Variants in ZFHX4 observed in about 807,000 individuals in gnomAD.
ZFHX4 encodes zinc finger homeobox protein 4.
A neutral mutation model predicts 267.6 loss-of-function variants in ZFHX4; 56 were observed. The ratio of observed to expected loss-of-function variants is 0.21; its 90% CI spans 0.17 to 0.26. The LOEUF (loss-of-function observed/expected upper bound fraction) is 0.26. ZFHX4 is among the 10% of genes least tolerant of loss of function. The pLI is 1.00. For synonymous variants in ZFHX4, 1,778 were observed against 1,665.6 expected, an observed-to-expected ratio of 1.07 and a Z score of -1.64; for missense variants, 4,332 against 4,420.0, an observed-to-expected ratio of 0.98 and a Z score of 0.56.
At chr8:76,715,074 C>T (rs1011169277) in intron 3 of ZFHX4, among the ~76,000 whole-genome samples, 14 of 152,174 alleles carry the variant, frequency 9.2e-5, no homozygotes, top group South Asian at 4.2e-4. Context: ...TTTTAGACAA[C>T]GATTATGGTG....
chr8:76,850,457 G>A (rs972634524), intron 9 of ZFHX4, 95 bp downstream of exon 9: 114 of 1,031,570 alleles, frequency 1.1e-4, no homozygotes, highest in South Asian at 2.6e-4. Context: ...AAAGATTTTC[G>A]TAAAGCATAG....
intron 4 of ZFHX4, among the ~76,000 whole-genome samples, chr8:76,809,088 C>T (rs1160385394): frequency 6.6e-6 from 1 of 152,062 alleles, no homozygotes; most frequent in Non-Finnish European, 1.5e-5. Flanking sequence ...GATATCATAC[C>T]CGTATCACTC....
chr8:76,746,610 A>AT (rs748851290), intron 3 of ZFHX4, among the ~76,000 whole-genome samples: 22 of 152,174 alleles, frequency 1.4e-4, no homozygotes, highest in Non-Finnish European at 2.5e-4. Flanking sequence ...CACTCTTGGT[A>AT]TTTTTTTCTC....
chr8:76,736,457 A>G (rs1483288530), intron 3 of ZFHX4, among the ~76,000 whole-genome samples: 6 of 152,166 alleles, frequency 3.9e-5, no homozygotes, highest in African/African-American at 1.4e-4. Context: ...GAAAACATTT[A>G]TTATGGTGAA....
At chr8:76,827,869 A>C (rs1017283776) in intron 4 of ZFHX4, among the ~76,000 whole-genome samples, 2 of 152,200 alleles carry the variant, frequency 1.3e-5, no homozygotes, top group Admixed American at 1.3e-4. Context: ...AAAAAATTAC[A>C]AATCCAGCCC....
At chr8:76,789,768 T>C (rs1293325069) in intron 4 of ZFHX4, among the ~76,000 whole-genome samples, 2 of 152,168 alleles carry the variant, frequency 1.3e-5, no homozygotes, top group Non-Finnish European at 2.9e-5. Context: ...TTGAATTATT[T>C]TAGAAATAAT....
chr8:76,721,802 ATT>A (rs1808728636), intron 3 of ZFHX4, among the ~76,000 whole-genome samples: 1 of 152,142 alleles, frequency 6.6e-6, no homozygotes, highest in African/African-American at 2.4e-5. Flanking sequence ...TAACAGTATA[ATT>A]GGAGTCTTCT....
intron 3 of ZFHX4, among the ~76,000 whole-genome samples, chr8:76,727,266 G>C (rs1808877673): frequency 6.6e-6 from 1 of 151,940 alleles, no homozygotes; most frequent in Non-Finnish European, 1.5e-5. Flanking sequence ...GAGCTCTTGG[G>C]GCCGCAGCCA....
chr8:76,697,180 G>A (rs1023120455), intron 1 of ZFHX4, among the ~76,000 whole-genome samples: 2 of 151,820 alleles, frequency 1.3e-5, no homozygotes, highest in African/African-American at 4.8e-5. Context: ...TGAAATATTT[G>A]GTTGTCAGTA....
intron 3 of ZFHX4, among the ~76,000 whole-genome samples, chr8:76,772,739 G>A (rs1189902867): frequency 6.6e-6 from 1 of 152,110 alleles, no homozygotes; most frequent in African/African-American, 2.4e-5. Context: ...ATATTAGCCT[G>A]CTATTCAATG....
At chr8:76,850,762 T>C in intron 9 of ZFHX4, 124 bp from the exon 10 acceptor site, 1 of 1,205,956 alleles carries the variant, frequency 8.3e-7, no homozygotes, top group Non-Finnish European at 1.1e-6. Flanking sequence ...AGTTGCTCAG[T>C]AAACATTTAT....
intron 3 of ZFHX4, among the ~76,000 whole-genome samples, chr8:76,713,274 T>C (rs937161586): frequency 1.4e-5 from 2 of 140,034 alleles, no homozygotes; most frequent in African/African-American, 5.7e-5. Flanking sequence ...GATAGAGAGA[T>C]AGATAGAAAG....
chr8:76,850,215 A>G (rs1312072958), intron 8 of ZFHX4, 30 bp from the exon 9 acceptor site: 2 of 1,554,068 alleles, frequency 1.3e-6, no homozygotes, highest in African/African-American at 1.4e-5. Flanking sequence ...TCTGGGGTAC[A>G]TTTAACATAA....
chr8:76,692,430 G>A (rs949484129), intron 1 of ZFHX4, among the ~76,000 whole-genome samples: 1 of 152,064 alleles, frequency 6.6e-6, no homozygotes, highest in African/African-American at 2.4e-5. Context: ...GTGGTATCCT[G>A]TTGACCAAAA....
chr8:76,846,818 C>T (rs989781859), intron 6 of ZFHX4, among the ~76,000 whole-genome samples: 1 of 151,942 alleles, frequency 6.6e-6, no homozygotes, highest in Non-Finnish European at 1.5e-5. Context: ...TTATAAGTTT[C>T]TGAAAGATTT....
chr8:76,703,765 A>C (rs950623140), intron 1 of ZFHX4: 17 of 260,892 alleles, frequency 6.5e-5, no homozygotes, highest in Admixed American at 2.4e-4. Flanking sequence ...GAATGAAAAA[A>C]CTCAGGATTA....
intron 4 of ZFHX4, among the ~76,000 whole-genome samples, chr8:76,811,740 A>G: frequency 6.6e-6 from 1 of 152,208 alleles, no homozygotes; most frequent in East Asian, 1.9e-4. Context: ...GCATTAGGTT[A>G]TTAGGTTATA....
chr8:76,778,132 A>G (rs1159329290), intron 3 of ZFHX4, 76 bp from the exon 4 acceptor site: 8 of 935,002 alleles, frequency 8.6e-6, no homozygotes, highest in Middle Eastern at 5.5e-4. Context: ...TTATCATGCC[A>G]TGGGTGGGTG....
intron 3 of ZFHX4, among the ~76,000 whole-genome samples, chr8:76,758,121 A>T (rs1015176531): frequency 6.6e-6 from 1 of 152,146 alleles, no homozygotes; most frequent in African/African-American, 2.4e-5. Context: ...CTCTTCATTC[A>T]TGGGGCTCTG....
Sources: gnomAD v4.1 joint callset for allele counts (sites outside exome capture counted in the v4.1 genomes callset) on GRCh38, gnomAD v4.1.1 for gene constraint, MANE v1.5 for transcripts, NCBI Gene and HGNC (gene_info 2026-07-23, HGNC 2026-07-21) for gene names.